The following NRDE2 variants were observed in gnomAD, a reference collection of about 807,000 sequenced individuals.
NRDE2 encodes the protein nuclear exosome regulator NRDE2.
NRDE2 carries 76 observed loss-of-function variants against 124.2 expected under a neutral mutation model. The observed-to-expected ratio is 0.61, with a 90% CI of 0.51 to 0.74. The LOEUF (loss-of-function observed/expected upper bound fraction) is 0.74, where lower values mean the gene tolerates loss of function less well. Ranked by LOEUF, NRDE2 falls within the 30% of genes least tolerant of loss-of-function variation. The pLI, the probability that NRDE2 is intolerant of heterozygous loss-of-function variation, is 0.00. For missense variants in NRDE2, 1,314 were observed against 1,417.3 expected (o/e 0.93, Z 1.17); for synonymous variants, 489 against 528.1 (o/e 0.93, Z 1.01).
chr14:90,329,900 C>T (rs890087805), intron 1 of NRDE2, among the ~76,000 whole-genome samples: 14 of 149,476 alleles, frequency 9.4e-5, no homozygotes, highest in Admixed American at 6.7e-5. Flanking sequence ...TTCTTTGAAC[C>T]TTCTATTAGA....
At chr14:90,293,259 T>C (rs1006048051) in intron 8 of NRDE2, among the ~76,000 whole-genome samples, 1 of 152,098 alleles carries the variant, frequency 6.6e-6, no homozygotes, top group South Asian at 2.1e-4. Context: ...ATTCCTTTTT[T>C]TTTTTTCTGA....
At position 90,270,084 on chromosome 14, in the gene NRDE2, C is replaced by A; in HGVS notation, c.*8252G>T. ...TTTTAAAATTTAGACATCCTTCCCA[C>A]AGAATTCTGTCCGACTGAAACTTCG... is the stretch of plus-strand genomic sequence containing the variant. On this transcript the variant is annotated 3_prime_UTR_variant, in exon 14 of 14. Transcript: ENST00000354366. 1 of 1,125,354 alleles carries A rather than the reference C, an allele frequency of 8.9e-7. No individual in the cohort carries two copies. The highest frequency in any genetic ancestry group is 1.2e-6 in the Non-Finnish European group (1 of 802,054). The allele number at this position is 1,125,354 out of a possible 1,614,324, so 69.7% of individuals were successfully genotyped here.
At position 90,301,356 on chromosome 14, in the gene NRDE2, C is replaced by G. The variant is rs201388772; in HGVS notation, c.1428G>C (p.Gln476His). 6.2e-7 allele frequency: 1 copy of G among 1,613,880 alleles called. No homozygotes were observed. Among genetic ancestry groups the G allele is most frequent in the Admixed American group, 1.7e-5 (1 of 60,008 alleles). ...GGCCAGCCTGCCGCAGAAAGTGGCACTGCTGAAGAAAGAGTGCTGCGAACA... is the reference window on the plus strand; with the variant it reads ...GGCCAGCCTGCCGCAGAAAGTGGCAGTGCTGAAGAAAGAGTGCTGCGAACA... ...EEAMFALFLQ[Q>H]CHFLRQAGHS... is the part of the protein sequence containing the mutation. Residue 476 changes from glutamine (Q) to histidine (H), a missense_variant, in exon 7 of 14, where the codon CAG (glutamine) becomes CAC (histidine). Physicochemically the swap from Gln to His is conservative, Grantham distance 24. Coordinates refer to ENST00000354366, the MANE Select transcript of NRDE2 (RefSeq NM_017970.4).
chr14:90,303,157 A>C, intron 5 of NRDE2, 32 bp from the exon 6 acceptor site: 1 of 1,585,796 alleles, frequency 6.3e-7, no homozygotes, highest in Non-Finnish European at 8.6e-7. Flanking sequence ...TTACAAATGC[A>C]AATGGACCTG....
intron 8 of NRDE2, among the ~76,000 whole-genome samples, chr14:90,295,682 T>A (rs1884117819): frequency 6.6e-6 from 1 of 152,190 alleles, no homozygotes; most frequent in African/African-American, 2.4e-5. Flanking sequence ...GACTGCAGGA[T>A]GAAATCAACT....
chr14:90,324,668 G>A (rs1180102450), intron 1 of NRDE2, among the ~76,000 whole-genome samples: 3 of 133,782 alleles, frequency 2.2e-5, no homozygotes, highest in African/African-American at 5.6e-5. Context: ...GCAAGGCTCC[G>A]TCTCCAAAAA....
intron 3 of NRDE2, 39 bp downstream of exon 3, chr14:90,316,539 G>C (rs748972280): frequency 7.0e-7 from 1 of 1,428,792 alleles, no homozygotes; most frequent in South Asian, 1.2e-5. Flanking sequence ...AAAAACTCAA[G>C]ACTTAAAATA....
chr14:90,313,119 A>ATTTTTT (rs1207268681), intron 3 of NRDE2, among the ~76,000 whole-genome samples: 12 of 102,258 alleles, frequency 1.2e-4, no homozygotes, highest in East Asian at 2.9e-4. Context: ...TCTCAGCCTC[A>ATTTTTT]TTTTTTTTTT....
chr14:90,328,902 T>C (rs557050268), intron 1 of NRDE2, among the ~76,000 whole-genome samples: 1 of 152,342 alleles, frequency 6.6e-6, no homozygotes, highest in Non-Finnish European at 1.5e-5. Flanking sequence ...AAATGCAATG[T>C]TGGCTGTATT....
intron 1 of NRDE2, 59 bp from the exon 2 acceptor site, chr14:90,318,172 G>A: frequency 7.4e-7 from 1 of 1,345,938 alleles, no homozygotes; most frequent in Non-Finnish European, 1.1e-6. Context: ...TCTAAAGCAG[G>A]AGATCTATCC....
At chr14:90,288,107 C>A in intron 11 of NRDE2, 110 bp downstream of exon 11, 1 of 981,386 alleles carries the variant, frequency 1.0e-6, no homozygotes, top group Non-Finnish European at 1.5e-6. Flanking sequence ...GTGTTCTGGG[C>A]ACCGTGCCAT....
intron 1 of NRDE2, among the ~76,000 whole-genome samples, chr14:90,328,994 A>C (rs1252967029): frequency 6.6e-6 from 1 of 152,248 alleles, no homozygotes; most frequent in Non-Finnish European, 1.5e-5. Flanking sequence ...CTGGTAAGTG[A>C]AAATGACCAG....
At position 90,316,576 on chromosome 14, in the gene NRDE2, A is replaced by G. The variant is rs1264267193; in HGVS notation, c.407+2T>C. 2 of 1,602,576 alleles carry G rather than the reference A, an allele frequency of 1.2e-6. No individual in the cohort carries two copies. Among genetic ancestry groups the G allele is most frequent in the South Asian group, 2.2e-5 (2 of 89,640 alleles). On this transcript the variant is annotated splice_donor_variant, in intron 3 of 13. Coordinates refer to ENST00000354366, the MANE Select transcript of NRDE2 (RefSeq NM_017970.4). LOFTEE classifies it high-confidence loss of function. Reference sequence around the variant, plus strand: ...CATAGGTGCTTGAGAACAGCAACCTACTTCGGTTCCTCAGATTCCTTTTTA... The same window carrying G: ...CATAGGTGCTTGAGAACAGCAACCTGCTTCGGTTCCTCAGATTCCTTTTTA...
At chr14:90,311,119 G>A (rs1174516023) in intron 4 of NRDE2, among the ~76,000 whole-genome samples, 1 of 152,104 alleles carries the variant, frequency 6.6e-6, no homozygotes, top group African/African-American at 2.4e-5. Context: ...TAATGGAAAT[G>A]GACATTTATT....
intron 1 of NRDE2, among the ~76,000 whole-genome samples, chr14:90,328,036 G>A (rs186023980): frequency 1.4e-3 from 217 of 152,142 alleles, no homozygotes; most frequent in African/African-American, 4.9e-3. Flanking sequence ...CCAGCTACTC[G>A]GGAGGCTGAG....
rs769537017 is a variant in NRDE2 at position 90,288,307 on chromosome 14, G to T, written c.3068C>A (p.Thr1023Lys). 6.2e-7 allele frequency: 1 copy of T among 1,614,182 alleles called. No individual in the cohort carries two copies. Among genetic ancestry groups the T allele is most frequent in the South Asian group, 1.1e-5 (1 of 91,082 alleles). Residue 1023 changes from threonine to lysine, a missense_variant, in exon 11 of 14, where the codon ACA (threonine) becomes AAA (lysine). Coordinates refer to ENST00000354366, the MANE Select transcript of NRDE2 (RefSeq NM_017970.4). The part of the protein sequence containing the change: ...SASKTRRFFD[T>K]ITRSAKPLEP... ...CAAGGGTTTGGCAGACCTGGTGATT[G>T]TGTCAAAAAATCTCCTGGTTTTGCT...
chr14:90,330,843 A>G (rs908343579), intron 1 of NRDE2, among the ~76,000 whole-genome samples: 1 of 152,070 alleles, frequency 6.6e-6, no homozygotes, highest in African/African-American at 2.4e-5. Flanking sequence ...AACGTTACAG[A>G]AAGTGTAGGA....
At chr14:90,286,324 T>A in intron 12 of NRDE2, 30 bp downstream of exon 12, 1 of 1,605,242 alleles carries the variant, frequency 6.2e-7, no homozygotes. Flanking sequence ...GAGCTCTGCA[T>A]GAACACAAAA....
At chr14:90,295,503 CTT>C (rs1363312324) in intron 8 of NRDE2, among the ~76,000 whole-genome samples, 1 of 152,106 alleles carries the variant, frequency 6.6e-6, no homozygotes, top group East Asian at 1.9e-4. Flanking sequence ...CTGAAAAACT[CTT>C]ATAAGAGAAA....
Sources: gnomAD v4.1 joint callset for allele counts (sites outside exome capture counted in the v4.1 genomes callset) on GRCh38, gnomAD v4.1.1 for gene constraint, MANE v1.5 for transcripts, NCBI Gene and HGNC (gene_info 2026-07-23, HGNC 2026-07-21) for gene names.